Variants in MN1 observed in about 807,000 individuals in gnomAD.
The protein encoded by MN1 is transcriptional activator MN1.
Under a neutral mutation model 86.9 loss-of-function variants are expected in MN1, and 19 were observed. That is an observed-to-expected ratio of 0.22 (90% CI 0.15 to 0.32). MN1 has a LOEUF of 0.32. Ranked by LOEUF, MN1 falls within the 10% of genes least tolerant of loss-of-function variation. The pLI, the probability that MN1 is intolerant of heterozygous loss-of-function variation, is 1.00. For missense variants in MN1, 1,841 were observed against 1,862.0 expected (o/e 0.99, Z 0.21); for synonymous variants, 928 against 849.6 (o/e 1.09, Z -1.60).
chr22:27,785,790 A>G (rs1015140735), intron 1 of MN1, among the ~76,000 whole-genome samples: 111 of 148,816 alleles, frequency 7.5e-4, no homozygotes, highest in African/African-American at 2.7e-3. Flanking sequence ...GGCCATCCAG[A>G]CAAGCCTCTG....
chr22:27,770,992 A>C (rs534006130), intron 1 of MN1, among the ~76,000 whole-genome samples: 35 of 152,046 alleles, frequency 2.3e-4, no homozygotes, highest in African/African-American at 8.2e-4. Context: ...ATGCCCATAA[A>C]AGGTATTTCG....
intron 1 of MN1, among the ~76,000 whole-genome samples, chr22:27,759,895 A>G (rs562610864): frequency 2.0e-5 from 3 of 152,276 alleles, no homozygotes; most frequent in South Asian, 4.1e-4. Context: ...CCTCCCCCCA[A>G]ATCCCTTCTA....
Position 27,799,160 on chromosome 22 carries a change from G to C in MN1, c.1384C>G (p.Pro462Ala). 1 of 1,606,720 alleles carries C rather than the reference G, an allele frequency of 6.2e-7. No homozygotes were observed. Among genetic ancestry groups the C allele is most frequent in the South Asian group, 1.1e-5 (1 of 90,834 alleles). ...CAGCGGTCCACTCCCGCGCTGCCCG[G>C]AAAGTCGAAGCGCGGCCTCTTGGCC... ...NVAKRPRFDF[P>A]GSAGVDRCAS... The change falls in exon 1 of 2, where the codon CCG (proline) becomes GCG (alanine). Residue 462 changes from proline (P) to alanine (A), a missense_variant. By Grantham distance (27) the Pro-to-Ala change is conservative. Coordinates refer to ENST00000302326, the MANE Select transcript of MN1 (RefSeq NM_002430.3).
At position 27,798,765 on chromosome 22, in the gene MN1, G is replaced by T; in HGVS notation, c.1779C>A (p.Gly593=). ...DVGQGGLVHG[G]PVGGLAQPNF... is the part of the protein sequence containing the mutation. ...TCGGCTGGGCCAAGCCGCCCACCGG[G>T]CCGCCATGCACCAGGCCGCCCTGGC... is the stretch of plus-strand genomic sequence containing the variant. The change falls in exon 1 of 2, where the codon GGC becomes GGA. Residue 593 remains glycine, a synonymous_variant. Coordinates refer to ENST00000302326, the MANE Select transcript of MN1 (RefSeq NM_002430.3). The T allele has an allele frequency of 2.0e-6, 3 of 1,534,382 alleles. No individual in the cohort carries two copies. The highest frequency in any genetic ancestry group is 2.6e-6 in the Non-Finnish European group (3 of 1,145,628).
chr22:27,769,552 A>ATTTTTTTTTTTTTTTTTTTT lies in MN1; in HGVS notation c.3782-18457_3782-18456insAAAAAAAAAAAAAAAAAAAA, dbSNP rs58248602. Among the ~76,000 whole-genome samples the ATTTTTTTTTTTTTTTTTTTT allele has an allele frequency of 1.7e-3, 138 of 83,282 alleles. 29 individuals are homozygous for ATTTTTTTTTTTTTTTTTTTT. Among genetic ancestry groups the ATTTTTTTTTTTTTTTTTTTT allele is most frequent in the African/African-American group, 6.5e-3 (131 of 20,266 alleles). The allele number at this position is 83,282 out of a possible 152,430, so 54.6% of individuals were successfully genotyped here. A position where few individuals can be genotyped will look rare whatever the true frequency, so the allele number is the denominator to read the frequency against. ...CGAAGCAATAATATCAAGGATGCCAATTTTTTTTTTTTTTTTTTGAGACAG... is the reference window on the plus strand; with the variant it reads ...CGAAGCAATAATATCAAGGATGCCAATTTTTTTTTTTTTTTTTTTTTTTTTTTTTTTTTTTTTTGAGACAG... On this transcript the variant is annotated intron_variant, in intron 1 of 1. Coordinates refer to ENST00000302326, the MANE Select transcript of MN1 (RefSeq NM_002430.3).
rs45567838 is a variant in MN1, at chr22:27,755,977, G to A, written c.3782-4881C>T. On this transcript the variant is annotated intron_variant, in intron 1 of 1. Transcript: ENST00000302326. ...AGGAAATGGGGGAAATAATAGGACC[G>A]GCCGTGATGGAGGCAGTTAGGAGAA... Among the ~76,000 whole-genome samples the A allele has an allele frequency of 2.5e-3, 375 of 152,332 alleles. 5 individuals are homozygous for A. The highest frequency in any genetic ancestry group is 0.017 in the Admixed American group (263 of 15,306).
chr22:27,795,286 A>G (rs908363936), intron 1 of MN1, among the ~76,000 whole-genome samples: 25 of 152,120 alleles, frequency 1.6e-4, no homozygotes, highest in Admixed American at 7.9e-4. Context: ...TAGAAAACCT[A>G]AGCGGGAAAG....
rs370142548 is a variant in MN1, at chr22:27,751,016, C to T, written c.3862G>A (p.Asp1288Asn). The T allele has an allele frequency of 5.6e-6, 9 of 1,612,706 alleles. No individual in the cohort carries two copies. The highest frequency in any genetic ancestry group is 2.7e-5 in the African/African-American group (2 of 74,880). The change falls in exon 2 of 2, where the codon GAC becomes AAC. Residue 1288 changes from aspartate to asparagine, a missense_variant. Transcript: ENST00000302326. ...GCTCGAGCCTTGGCGTCACCCACGT[C>T]GTCTGTGCAGTGGACAGACAGGCAC... ...LQCLSVHCTD[D>N]VGDAKARASV... is the part of the protein sequence containing the mutation.
chr22:27,800,550 CG>C lies in MN1; in HGVS notation c.-8del, dbSNP rs764947457. On this transcript the variant is annotated 5_prime_UTR_variant, in exon 1 of 2. Coordinates refer to ENST00000302326, the MANE Select transcript of MN1 (RefSeq NM_002430.3). ...ATTGGTCCAGCCCAAACATACTTGG[CG>C]GGGGGCAGAGGGGGATCAATAGGGC... 1.9e-6 allele frequency: 3 copies of C among 1,613,734 alleles called. No individual in the cohort carries two copies. Among genetic ancestry groups the C allele is most frequent in the African/African-American group, 1.3e-5 (1 of 74,902 alleles).
chr22:27,793,989 G>A (rs1476050038), intron 1 of MN1, among the ~76,000 whole-genome samples: 1 of 152,160 alleles, frequency 6.6e-6, no homozygotes, highest in East Asian at 1.9e-4. Flanking sequence ...CCTGCAAGGG[G>A]AGTAGAAAAA....
intron 1 of MN1, among the ~76,000 whole-genome samples, chr22:27,762,010 G>GT (rs1297659491): frequency 6.6e-6 from 1 of 152,184 alleles, no homozygotes; most frequent in African/African-American, 2.4e-5. Context: ...AGGGGATGAG[G>GT]TGGTGCATGA....
chr22:27,799,052 A>C lies in MN1; in HGVS notation c.1492T>G (p.Phe498Val), dbSNP rs1334044627. ...PSAYPGLPGE[F>V]TPPVPDSFPS... ...AAGCTGTCGGGCACAGGCGGTGTGA[A>C]CTCGCCGGGTAGGCCTGGGTAGGCG... is the stretch of plus-strand genomic sequence containing the variant. Residue 498 changes from phenylalanine (F) to valine (V), a missense_variant, in exon 1 of 2, where the codon TTC (phenylalanine) becomes GTC (valine). By Grantham distance (50) the Phe-to-Val change is conservative (BLOSUM62 -1). Coordinates refer to ENST00000302326, the MANE Select transcript of MN1 (RefSeq NM_002430.3). 3.1e-6 allele frequency: 5 copies of C among 1,610,930 alleles called. No homozygotes were observed. Among genetic ancestry groups the C allele is most frequent in the Middle Eastern group, 3.3e-4 (2 of 6,074 alleles).
At chr22:27,785,464 T>C (rs1226687285) in intron 1 of MN1, among the ~76,000 whole-genome samples, 1 of 152,242 alleles carries the variant, frequency 6.6e-6, no homozygotes, top group Non-Finnish European at 1.5e-5. Flanking sequence ...GCAATACTTT[T>C]TCTTTTTTCC....
intron 1 of MN1, among the ~76,000 whole-genome samples, chr22:27,789,462 G>A (rs1933182629): frequency 6.6e-6 from 1 of 152,194 alleles, no homozygotes; most frequent in African/African-American, 2.4e-5. Flanking sequence ...AGAGATCAAA[G>A]ATGGGAATAA....
intron 1 of MN1, among the ~76,000 whole-genome samples, chr22:27,775,316 A>T (rs1932963530): frequency 6.6e-6 from 1 of 152,100 alleles, no homozygotes; most frequent in South Asian, 2.1e-4. Context: ...TTCTTCTCTG[A>T]CCAGACTCCA....
chr22:27,794,365 T>C (rs1933256775), intron 1 of MN1, among the ~76,000 whole-genome samples: 1 of 152,332 alleles, frequency 6.6e-6, no homozygotes, highest in East Asian at 1.9e-4. Context: ...GTGACCTCAA[T>C]TCGCTGCTTT....
intron 1 of MN1, among the ~76,000 whole-genome samples, chr22:27,787,013 C>T (rs1338785689): frequency 6.6e-6 from 1 of 152,160 alleles, no homozygotes; most frequent in East Asian, 1.9e-4. Flanking sequence ...AAAAATTGAC[C>T]GCATGGAGAT....
In MN1 at chr22:27,801,674, G is replaced by T. The variant is rs1402593395; in HGVS notation, c.-1131C>A. ...TGCGCACCCCTCTCCCGACTAGCGG[G>T]GGGGCTCTGCGTGGGGCGTTCCGAG... On this transcript the variant is annotated 5_prime_UTR_variant, in exon 1 of 2. Transcript: ENST00000302326. Among the ~76,000 whole-genome samples, 3 of 152,162 alleles carry T rather than the reference G, an allele frequency of 2.0e-5. No individual in the cohort carries two copies. The highest frequency in any genetic ancestry group is 2.1e-4 in the South Asian group (1 of 4,828).
At chr22:27,776,863 G>C (rs908400660) in intron 1 of MN1, among the ~76,000 whole-genome samples, 4 of 152,138 alleles carry the variant, frequency 2.6e-5, no homozygotes, top group African/African-American at 9.7e-5. Flanking sequence ...GAACTGGCCA[G>C]GACGATTGTT....
Sources: gnomAD v4.1 joint callset for allele counts (sites outside exome capture counted in the v4.1 genomes callset) on GRCh38, gnomAD v4.1.1 for gene constraint, MANE v1.5 for transcripts, NCBI Gene and HGNC (gene_info 2026-07-23, HGNC 2026-07-21) for gene names.